The following NAALADL2 variants were observed in gnomAD, a reference collection of about 807,000 sequenced individuals.
NAALADL2 encodes the protein N-acetylated alpha-linked acidic dipeptidase like 2, also known as inactive N-acetylated-alpha-linked acidic dipeptidase-like protein 2.
NAALADL2 carries 76 observed loss-of-function variants against 87.2 expected under a neutral mutation model. The observed-to-expected ratio is 0.87, with a 90% CI of 0.72 to 1.05. The LOEUF (loss-of-function observed/expected upper bound fraction) is 1.05, where lower values mean the gene tolerates loss of function less well. Among genes scored for constraint, NAALADL2 ranks in the 50% least tolerant of loss-of-function variants. NAALADL2 has a pLI of 0.00. For missense variants in NAALADL2, 1,089 were observed against 945.8 expected, an observed-to-expected ratio of 1.15 and a Z score of -1.99; for synonymous variants, 354 against 331.0, an observed-to-expected ratio of 1.07 and a Z score of -0.75.
Position 175,803,817 on chromosome 3 carries a change from T to C in NAALADL2, c.*614T>C, listed in dbSNP as rs1198817884. 1 of 152,360 alleles carries C rather than the reference T, an allele frequency of 6.6e-6. No homozygotes were observed. Among genetic ancestry groups the C allele is most frequent in the Non-Finnish European group, 1.5e-5 (1 of 67,890 alleles). The allele number at this position is 152,360 out of a possible 1,614,324, so 9.4% of individuals were successfully genotyped here. ...TTAATGAAAAAAGAGCCATAAGCAT[T>C]CCAGGAGAAAATCTCAAGGGAGCTA... On this transcript the variant is annotated 3_prime_UTR_variant, in exon 14 of 14. Coordinates refer to ENST00000454872, the MANE Select transcript of NAALADL2 (RefSeq NM_207015.3).
At position 174,580,857 on chromosome 3, in the gene NAALADL2, G is replaced by T. The variant is rs551792626; in HGVS notation, c.-115+30220G>T. 3.3e-5 allele frequency among the ~76,000 whole-genome samples: 5 copies of T among 152,160 alleles called. No individual in the cohort carries two copies. The South Asian group carries it at 8.3e-4, about 25-fold the overall frequency. On this transcript the variant is annotated intron_variant, in intron 2 of 3. Coordinates refer to the NAALADL2 transcript ENST00000434257. ...TCTCTCAGGGAGATACCTAAGAGTG[G>T]AATGGTTGGATCATAATGTTAAGTA...
intron 2 of NAALADL2, among the ~76,000 whole-genome samples, chr3:174,648,636 T>G (rs1019369084): frequency 4.6e-5 from 7 of 152,194 alleles, no homozygotes; most frequent in Non-Finnish European, 1.0e-4. Flanking sequence ...AGATTAAACA[T>G]TTAATATTTC....
At chr3:174,574,629 A>T (rs1715323675) in intron 2 of NAALADL2, among the ~76,000 whole-genome samples, 1 of 152,144 alleles carries the variant, frequency 6.6e-6, no homozygotes, top group African/African-American at 2.4e-5. Context: ...CATCATTCAG[A>T]TTGATTAGTA....
intron 9 of NAALADL2, among the ~76,000 whole-genome samples, chr3:175,540,624 G>A (rs958906817): frequency 6.6e-6 from 1 of 152,072 alleles, no homozygotes; most frequent in African/African-American, 2.4e-5. Context: ...CAGATAGAAG[G>A]CCATTGCAAT....
rs113806607 is a variant in NAALADL2 at position 175,343,655 on chromosome 3, G to GTTTTTTTTTTTTTTTTTTTTTTTTTTT, written c.1090+19351_1090+19352insTTTTTTTTTTTTTTTTTTTTTTTTTTT. On this transcript the variant is annotated intron_variant, in intron 5 of 13. Coordinates refer to ENST00000454872, the MANE Select transcript of NAALADL2 (RefSeq NM_207015.3). Reference sequence around the variant, plus strand: ...TGGAGTTCCTGTGTGTCTTGATCATGTTTTTTTTTTTTTTTTTTTTTCCCT... The same window carrying GTTTTTTTTTTTTTTTTTTTTTTTTTTT: ...TGGAGTTCCTGTGTGTCTTGATCATGTTTTTTTTTTTTTTTTTTTTTTTTTTTTTTTTTTTTTTTTTTTTTTTTCCCT... 1.3e-3 allele frequency among the ~76,000 whole-genome samples: 83 copies of GTTTTTTTTTTTTTTTTTTTTTTTTTTT among 64,694 alleles called. 17 individuals are homozygous for GTTTTTTTTTTTTTTTTTTTTTTTTTTT. The highest frequency in any genetic ancestry group is 1.7e-3 in the Non-Finnish European group (52 of 30,104). 42.4% of individuals were successfully genotyped at this position (64,694 alleles called of 152,430 possible).
intron 1 of NAALADL2, among the ~76,000 whole-genome samples, chr3:174,480,589 A>G (rs1717490437): frequency 6.6e-6 from 1 of 152,082 alleles, no homozygotes; most frequent in Non-Finnish European, 1.5e-5. Flanking sequence ...GTCATCTCTG[A>G]TGGTTTCTCA....
At chr3:175,763,184 G>A (rs1324361209) in intron 13 of NAALADL2, among the ~76,000 whole-genome samples, 1 of 152,074 alleles carries the variant, frequency 6.6e-6, no homozygotes, top group Non-Finnish European at 1.5e-5. Flanking sequence ...ACTTTTTCCA[G>A]TAGAAAAGAC....
At chr3:174,927,285 A>G (rs920524549) in intron 1 of NAALADL2, among the ~76,000 whole-genome samples, 29 of 152,200 alleles carry the variant, frequency 1.9e-4, no homozygotes, top group African/African-American at 5.8e-4. Flanking sequence ...CACTGTCAAC[A>G]TTAGACAGAT....
At chr3:175,278,351 A>G (rs1753865299) in intron 4 of NAALADL2, among the ~76,000 whole-genome samples, 1 of 152,148 alleles carries the variant, frequency 6.6e-6, no homozygotes, top group Non-Finnish European at 1.5e-5. Context: ...CATCTAGTTA[A>G]TATACCAGAG....
chr3:174,711,313 T>A (rs1185302690), intron 2 of NAALADL2, among the ~76,000 whole-genome samples: 2 of 152,200 alleles, frequency 1.3e-5, no homozygotes, highest in African/African-American at 4.8e-5. Flanking sequence ...AGTGAGCTCA[T>A]ATCAAATTTT....
At chr3:174,911,826 C>G (rs756912883) in intron 1 of NAALADL2, among the ~76,000 whole-genome samples, 5 of 152,032 alleles carry the variant, frequency 3.3e-5, no homozygotes, top group Non-Finnish European at 5.9e-5. Flanking sequence ...GATGTAGCCT[C>G]AAGTATGTAA....
In NAALADL2 at chr3:175,346,429, G is replaced by A. The variant is rs73881474; in HGVS notation, c.1090+22104G>A. ...GCTGTGCCCATCTTCCTCAATGAGCGCACCAAAAAACTTCATCCTTACCCC... is the reference window on the plus strand; with the variant it reads ...GCTGTGCCCATCTTCCTCAATGAGCACACCAAAAAACTTCATCCTTACCCC... On this transcript the variant is annotated intron_variant, in intron 5 of 13. Coordinates refer to ENST00000454872, the MANE Select transcript of NAALADL2 (RefSeq NM_207015.3). 9.2e-3 allele frequency among the ~76,000 whole-genome samples: 1,405 copies of A among 152,062 alleles called. 24 individuals are homozygous for A. Among genetic ancestry groups the A allele is most frequent in the African/African-American group, 0.032 (1,320 of 41,478 alleles).
chr3:174,954,901 G>C (rs1413733065), intron 1 of NAALADL2, among the ~76,000 whole-genome samples: 1 of 152,004 alleles, frequency 6.6e-6, no homozygotes, highest in Non-Finnish European at 1.5e-5. Flanking sequence ...GCATCTTCTG[G>C]ATAATTCACT....
intron 1 of NAALADL2, among the ~76,000 whole-genome samples, chr3:175,021,079 G>T (rs980624387): frequency 2.0e-5 from 3 of 152,028 alleles, no homozygotes; most frequent in Non-Finnish European, 1.5e-5. Context: ...CTGAATTTTT[G>T]TGATTATTGG....
At chr3:174,611,585 T>C (rs1350554108) in intron 2 of NAALADL2, among the ~76,000 whole-genome samples, 1 of 152,080 alleles carries the variant, frequency 6.6e-6, no homozygotes, top group African/African-American at 2.4e-5. Context: ...CGATTATTTC[T>C]TTTTTGTTTT....
In NAALADL2 at chr3:175,698,504, A is replaced by ATATATATATATATATATAT. The variant is rs1278192087; in HGVS notation, c.1897-38802_1897-38801insTATATATATATATATATAT. 7.7e-4 allele frequency among the ~76,000 whole-genome samples: 67 copies of ATATATATATATATATATAT among 86,974 alleles called. 2 individuals carry two copies. The highest frequency in any genetic ancestry group is 1.7e-3 in the African/African-American group (27 of 16,188). 57.1% of individuals were successfully genotyped at this position (86,974 alleles called of 152,430 possible). ...ATATTTATATATATATATATATATA[A>ATATATATATATATATATAT]AATCTCCAAGCAAATTCCTATGTAC... is the stretch of plus-strand genomic sequence containing the variant. On this transcript the variant is annotated intron_variant, in intron 11 of 13. Coordinates refer to ENST00000454872, the MANE Select transcript of NAALADL2 (RefSeq NM_207015.3).
chr3:174,706,236 C>T (rs1201160093), intron 2 of NAALADL2, among the ~76,000 whole-genome samples: 1 of 152,100 alleles, frequency 6.6e-6, no homozygotes, highest in South Asian at 2.1e-4. Flanking sequence ...GGTGCTGGGG[C>T]AACTAAATAT....
At chr3:175,795,527 A>G (rs1753355835) in intron 13 of NAALADL2, among the ~76,000 whole-genome samples, 1 of 151,350 alleles carries the variant, frequency 6.6e-6, no homozygotes, top group Non-Finnish European at 1.5e-5. Context: ...ACAAAAAAAA[A>G]AAAAAATTAG....
At chr3:174,717,284 G>C (rs1289677301) in intron 2 of NAALADL2, among the ~76,000 whole-genome samples, 1 of 152,046 alleles carries the variant, frequency 6.6e-6, no homozygotes, top group African/African-American at 2.4e-5. Flanking sequence ...TCATTATAAA[G>C]CTGAGATTGA....
Sources: allele counts gnomAD v4.1 joint callset (sites outside exome capture counted in the v4.1 genomes callset), GRCh38; gene constraint gnomAD v4.1.1; transcripts MANE v1.5; gene names NCBI Gene and HGNC (gene_info 2026-07-23, HGNC 2026-07-21).